Variants in CCDC73 observed in about 807,000 individuals in gnomAD.
The protein encoded by CCDC73 is coiled-coil domain containing 73.
Under a neutral mutation model 116.5 loss-of-function variants are expected in CCDC73, and 95 were observed. That is an observed-to-expected ratio of 0.82 (90% CI 0.69 to 0.97). The LOEUF (loss-of-function observed/expected upper bound fraction) is 0.97, where lower values mean the gene tolerates loss of function less well. Among genes scored for constraint, CCDC73 ranks in the 50% least tolerant of loss-of-function variants. CCDC73 has a pLI of 0.00. For missense variants in CCDC73, 1,066 were observed against 1,206.8 expected (o/e 0.88, Z 1.73); for synonymous variants, 398 against 401.3 (o/e 0.99, Z 0.10).
intron 2 of CCDC73, among the ~76,000 whole-genome samples, chr11:32,736,456 G>A (rs920669350): frequency 1.3e-5 from 2 of 152,216 alleles, no homozygotes; most frequent in East Asian, 1.9e-4. Context: ...CAAAACCACA[G>A]TGAGATACCA....
intron 1 of CCDC73, among the ~76,000 whole-genome samples, chr11:32,764,676 C>T (rs1278680351): frequency 6.6e-6 from 1 of 152,166 alleles, no homozygotes; most frequent in Non-Finnish European, 1.5e-5. Flanking sequence ...AATGTAAAGA[C>T]CATCGATGCT....
intron 2 of CCDC73, among the ~76,000 whole-genome samples, chr11:32,743,024 T>C (rs943712374): frequency 6.6e-6 from 1 of 152,216 alleles, no homozygotes; most frequent in Non-Finnish European, 1.5e-5. Flanking sequence ...TATATCTGTT[T>C]TGGTACCAGT....
At chr11:32,752,736 G>T (rs1266514205) in intron 2 of CCDC73, among the ~76,000 whole-genome samples, 1 of 152,084 alleles carries the variant, frequency 6.6e-6, no homozygotes, top group East Asian at 1.9e-4. Context: ...GGGTTGTTTT[G>T]ATTTGGAATA....
At chr11:32,608,971 C>T (rs1041750861) in intron 17 of CCDC73, among the ~76,000 whole-genome samples, 43 of 152,216 alleles carry the variant, frequency 2.8e-4, no homozygotes, top group African/African-American at 9.9e-4. Flanking sequence ...CTAAGCTGCA[C>T]ACAGCACGGG....
At chr11:32,667,539 C>T (rs1023388497) in intron 9 of CCDC73, among the ~76,000 whole-genome samples, 4 of 151,552 alleles carry the variant, frequency 2.6e-5, no homozygotes, top group African/African-American at 4.9e-5. Context: ...GGGAGTGACC[C>T]GATTTTCCAG....
chr11:32,768,505 A>G (rs1850464003), intron 1 of CCDC73, among the ~76,000 whole-genome samples: 1 of 152,118 alleles, frequency 6.6e-6, no homozygotes, highest in African/African-American at 2.4e-5. Context: ...AAAAGAAAGC[A>G]AAGAGGAAAA....
At position 32,675,898 on chromosome 11, in the gene CCDC73, A is replaced by T. The variant is rs1856083142; in HGVS notation, c.553T>A (p.Leu185Ile). 6.3e-7 allele frequency: 1 copy of T among 1,597,880 alleles called. No individual in the cohort carries two copies. The highest frequency in any genetic ancestry group is 1.3e-5 in the African/African-American group (1 of 74,278). ...AGATAGCACATACCATTTTGTTCTA[A>T]CTTTTCATGATTCTCTTTTACCAAT... ...FGLVKENHEK[L>I]EQNVREAIQS... Residue 185 changes from leucine to isoleucine, a missense_variant, in exon 8 of 18, where the codon TTA becomes ATA. Coordinates refer to ENST00000335185, the MANE Select transcript of CCDC73 (RefSeq NM_001008391.4).
intron 6 of CCDC73, among the ~76,000 whole-genome samples, chr11:32,694,666 A>G (rs1017896908): frequency 1.3e-5 from 2 of 152,222 alleles, no homozygotes; most frequent in Non-Finnish European, 2.9e-5. Context: ...CAACAAAACA[A>G]TTTAAGAAGG....
intron 13 of CCDC73, among the ~76,000 whole-genome samples, chr11:32,636,182 A>T (rs1050144300): frequency 1.3e-5 from 2 of 152,190 alleles, no homozygotes; most frequent in African/African-American, 4.8e-5. Flanking sequence ...ACAATATTAA[A>T]CTACCTCTTG....
intron 2 of CCDC73, among the ~76,000 whole-genome samples, chr11:32,748,432 A>G (rs527569768): frequency 3.9e-5 from 6 of 152,346 alleles, no homozygotes; most frequent in Non-Finnish European, 7.3e-5. Context: ...GAAAACTTAT[A>G]AAAACTCAAT....
At chr11:32,630,090 A>T (rs1247240176) in intron 14 of CCDC73, among the ~76,000 whole-genome samples, 1 of 152,184 alleles carries the variant, frequency 6.6e-6, no homozygotes, top group Non-Finnish European at 1.5e-5. Flanking sequence ...TTTGTCAGAT[A>T]ATTCTCTGAA....
At chr11:32,759,185 G>T (rs574674354) in intron 2 of CCDC73, among the ~76,000 whole-genome samples, 1 of 149,722 alleles carries the variant, frequency 6.7e-6, no homozygotes, top group Non-Finnish European at 1.5e-5. Flanking sequence ...TAGTTTTATG[G>T]TTTTTTTTCT....
intron 2 of CCDC73, among the ~76,000 whole-genome samples, chr11:32,746,845 T>C (rs1459148952): frequency 1.3e-5 from 2 of 152,200 alleles, no homozygotes; most frequent in African/African-American, 2.4e-5. Flanking sequence ...TCAAGGTTTT[T>C]TGCTTCCTTG....
At chr11:32,771,672 T>C (rs893534468) in intron 1 of CCDC73, among the ~76,000 whole-genome samples, 1 of 152,194 alleles carries the variant, frequency 6.6e-6, no homozygotes. Context: ...AGCCCAATAC[T>C]GTTTGGGGTT....
At chr11:32,731,673 C>A (rs970316485) in intron 2 of CCDC73, among the ~76,000 whole-genome samples, 25 of 152,302 alleles carry the variant, frequency 1.6e-4, no homozygotes, top group African/African-American at 5.8e-4. Context: ...GGACCTCCAG[C>A]AAACTCCAAC....
chr11:32,753,385 C>A (rs1300991429), intron 2 of CCDC73, among the ~76,000 whole-genome samples: 1 of 151,248 alleles, frequency 6.6e-6, no homozygotes, highest in Non-Finnish European at 1.5e-5. Context: ...GCAGCCTTGA[C>A]CTTCTGGCAA....
At chr11:32,798,458 C>A (rs536833400), upstream of CCDC73, among the ~76,000 whole-genome samples, 6 of 152,186 alleles carry the variant, frequency 3.9e-5, no homozygotes, top group Non-Finnish European at 5.9e-5. Flanking sequence ...CAGGCGCACG[C>A]CACCATGCCC....
In CCDC73 at chr11:32,755,536, A is replaced by AATATATATATATATATAT. The variant is rs375204188; in HGVS notation, c.135+4555_135+4572dup. On this transcript the variant is annotated intron_variant, in intron 2 of 17. Coordinates refer to ENST00000335185, the MANE Select transcript of CCDC73 (RefSeq NM_001008391.4). Reference sequence around the variant, plus strand: ...GTGACAAAGCAAGACTCCATCTCAAAATATATATATATATATATATATATA... The same window carrying AATATATATATATATATAT: ...GTGACAAAGCAAGACTCCATCTCAAAATATATATATATATATATATATATATATATATATATATATATA... Among the ~76,000 whole-genome samples the AATATATATATATATATAT allele has an allele frequency of 2.2e-4, 13 of 59,914 alleles. 1 individual carries two copies. The highest frequency in any genetic ancestry group is 6.2e-4 in the South Asian group (1 of 1,602). 39.3% of individuals were successfully genotyped at this position (59,914 alleles called of 152,430 possible). A position where few individuals can be genotyped will look rare whatever the true frequency, so the allele number is the denominator to read the frequency against.
chr11:32,714,560 C>T (rs937053485), intron 3 of CCDC73, among the ~76,000 whole-genome samples: 1 of 152,124 alleles, frequency 6.6e-6, no homozygotes, highest in African/African-American at 2.4e-5. Flanking sequence ...ACTGCCAGCA[C>T]AGTAGCTAAC....
Sources: allele counts gnomAD v4.1 joint callset (sites outside exome capture counted in the v4.1 genomes callset), GRCh38; gene constraint gnomAD v4.1.1; transcripts MANE v1.5; gene names NCBI Gene and HGNC (gene_info 2026-07-23, HGNC 2026-07-21).